RBFOX1: variants seen among roughly 807,000 people sequenced by gnomAD.
RBFOX1 encodes the protein RNA binding fox-1 homolog 1.
A neutral mutation model predicts 57.7 loss-of-function variants in RBFOX1; 8 were observed. The ratio of observed to expected loss-of-function variants is 0.14; its 90% CI spans 0.08 to 0.25. The LOEUF (loss-of-function observed/expected upper bound fraction) is 0.25, where lower values mean the gene tolerates loss of function less well. RBFOX1 is among the 10% of genes least tolerant of loss of function. The pLI, the probability that RBFOX1 is intolerant of heterozygous loss-of-function variation, is 1.00. For synonymous variants in RBFOX1, 326 were observed against 222.4 expected, an observed-to-expected ratio of 1.47 and a Z score of -4.15; for missense variants, 611 against 548.5, an observed-to-expected ratio of 1.11 and a Z score of -1.14.
At chr16:5,823,550 C>T (rs1360275799) in intron 3 of RBFOX1, among the ~76,000 whole-genome samples, 1 of 152,152 alleles carries the variant, frequency 6.6e-6, no homozygotes, top group African/African-American at 2.4e-5. Context: ...AACCCAACCA[C>T]ACAGAAGGAG....
chr16:5,826,759 G>A (rs1156405221), intron 3 of RBFOX1, among the ~76,000 whole-genome samples: 3 of 152,132 alleles, frequency 2.0e-5, no homozygotes, highest in Non-Finnish European at 4.4e-5. Flanking sequence ...TTTTATATGT[G>A]TATTTTAACA....
At chr16:5,564,189 T>A (rs1567234768) in intron 2 of RBFOX1, among the ~76,000 whole-genome samples, 1 of 151,920 alleles carries the variant, frequency 6.6e-6, no homozygotes, top group Non-Finnish European at 1.5e-5. Flanking sequence ...TTTTTGTATT[T>A]TTTTTTTTAG....
chr16:5,838,051 G>T (rs1341877630), intron 3 of RBFOX1: 2 of 152,342 alleles, frequency 1.3e-5, no homozygotes, highest in African/African-American at 4.8e-5. Context: ...TTTTTTGGCG[G>T]GGGGGCTTGA....
At chr16:6,649,212 G>C (rs968267458) in intron 2 of RBFOX1, among the ~76,000 whole-genome samples, 1 of 152,134 alleles carries the variant, frequency 6.6e-6, no homozygotes, top group Admixed American at 6.5e-5. Flanking sequence ...TCTGTAACTA[G>C]CTCATTCAAC....
At chr16:5,773,611 A>G (rs1328418087) in intron 3 of RBFOX1, among the ~76,000 whole-genome samples, 4 of 152,236 alleles carry the variant, frequency 2.6e-5, no homozygotes, top group African/African-American at 2.4e-5. Flanking sequence ...ACATTTTTGC[A>G]ATATCTATTT....
chr16:7,332,210 C>T (rs185965659), intron 4 of RBFOX1, among the ~76,000 whole-genome samples: 34 of 152,290 alleles, frequency 2.2e-4, no homozygotes, highest in African/African-American at 7.7e-4. Context: ...ATGAGCAAAC[C>T]ATTTAACTAG....
At chr16:7,305,119 T>TTGTG (rs375536750) in intron 4 of RBFOX1, among the ~76,000 whole-genome samples, 1 of 148,646 alleles carries the variant, frequency 6.7e-6, no homozygotes, top group East Asian at 2.0e-4. Flanking sequence ...GTTAGGGTGT[T>TTGTG]TGTGTGTGTG....
chr16:6,123,599 G>A (rs2096567487), intron 1 of RBFOX1, among the ~76,000 whole-genome samples: 1 of 152,312 alleles, frequency 6.6e-6, no homozygotes, highest in Non-Finnish European at 1.5e-5. Flanking sequence ...GTATAACATT[G>A]TGAATGTACT....
chr16:5,573,359 G>A (rs1386082723), intron 2 of RBFOX1, among the ~76,000 whole-genome samples: 1 of 152,208 alleles, frequency 6.6e-6, no homozygotes, highest in African/African-American at 2.4e-5. Flanking sequence ...GACCTGAGCT[G>A]TTCCACCTCT....
intron 4 of RBFOX1, among the ~76,000 whole-genome samples, chr16:7,424,537 G>A (rs559760928): frequency 1.2e-4 from 19 of 152,174 alleles, no homozygotes; most frequent in Non-Finnish European, 2.6e-4. Flanking sequence ...CGGGATTACA[G>A]GTGTGAACCA....
At chr16:7,590,034 G>A (rs2094358692) in intron 7 of RBFOX1, among the ~76,000 whole-genome samples, 1 of 151,852 alleles carries the variant, frequency 6.6e-6, no homozygotes, top group Admixed American at 6.6e-5. Flanking sequence ...AGGAAGCTGA[G>A]GTGGGAGTAT....
At chr16:6,064,436 T>C (rs1243770960) in intron 1 of RBFOX1, among the ~76,000 whole-genome samples, 2 of 152,178 alleles carry the variant, frequency 1.3e-5, no homozygotes, top group Non-Finnish European at 1.5e-5. Context: ...AATTTATCTT[T>C]GGGGGGATAC....
chr16:5,974,640 C>G (rs752378889), intron 4 of RBFOX1, among the ~76,000 whole-genome samples: 3 of 151,656 alleles, frequency 2.0e-5, no homozygotes, highest in African/African-American at 7.3e-5. Context: ...AGATCTGTCC[C>G]CAACCCAGGT....
intron 4 of RBFOX1, among the ~76,000 whole-genome samples, chr16:7,365,821 C>G (rs907082114): frequency 6.6e-5 from 10 of 152,210 alleles, no homozygotes; most frequent in African/African-American, 2.2e-4. Context: ...ATACAGGTAT[C>G]TCTTACGTGA....
chr16:5,348,882 C>T (rs1168461561), intron 1 of RBFOX1, among the ~76,000 whole-genome samples: 1 of 152,210 alleles, frequency 6.6e-6, no homozygotes, highest in East Asian at 1.9e-4. Context: ...CAAACTTGGG[C>T]ATGCAGGCAT....
At chr16:7,589,912 GGTGTGTGTGT>G (rs3029164) in intron 7 of RBFOX1, among the ~76,000 whole-genome samples, 2,848 of 135,044 alleles carry the variant, frequency 0.021, 84 homozygotes, top group African/African-American at 0.072. Context: ...GTGTGTGCTG[GGTGTGTGTGT>G]GTGTGTGTGT....
At chr16:7,131,436 CT>C (rs1432849573) in intron 4 of RBFOX1, among the ~76,000 whole-genome samples, 2 of 142,894 alleles carry the variant, frequency 1.4e-5, no homozygotes, top group African/African-American at 5.3e-5. Context: ...TAGTTGGCCA[CT>C]TTACATCTCT....
intron 1 of RBFOX1, among the ~76,000 whole-genome samples, chr16:6,042,477 G>A (rs1243259858): frequency 6.6e-6 from 1 of 152,026 alleles, no homozygotes; most frequent in Non-Finnish European, 1.5e-5. Flanking sequence ...CCTATCTTTA[G>A]GTCAGCTGCT....
At chr16:7,512,567 G>A (rs1379945808) in intron 4 of RBFOX1, among the ~76,000 whole-genome samples, 1 of 152,198 alleles carries the variant, frequency 6.6e-6, no homozygotes, top group Non-Finnish European at 1.5e-5. Context: ...TCCAGGTACA[G>A]GATGAAATCT....
Sources: gnomAD v4.1 joint callset for allele counts (sites outside exome capture counted in the v4.1 genomes callset) on GRCh38, gnomAD v4.1.1 for gene constraint, MANE v1.5 for transcripts, NCBI Gene and HGNC (gene_info 2026-07-23, HGNC 2026-07-21) for gene names.